ARNT2: variants seen among roughly 807,000 people sequenced by gnomAD.
ARNT2 encodes ARNT protein 2.
A neutral mutation model predicts 91.7 loss-of-function variants in ARNT2; 36 were observed. The ratio of observed to expected loss-of-function variants is 0.39; its 90% confidence interval spans 0.30 to 0.52. The LOEUF is 0.52. ARNT2 is among the 20% of genes least tolerant of loss of function. The pLI, the probability that ARNT2 is intolerant of heterozygous loss-of-function variation, is 0.72. For missense variants in ARNT2, 775 were observed against 939.3 expected, an observed-to-expected ratio of 0.83 and a Z score of 2.29; for synonymous variants, 365 against 347.1, an observed-to-expected ratio of 1.05 and a Z score of -0.57.
intron 15 of ARNT2, among the ~76,000 whole-genome samples, chr15:80,577,414 G>A (rs1438224288): frequency 1.3e-5 from 2 of 152,210 alleles, no homozygotes; most frequent in African/African-American, 4.8e-5. Context: ...CAGGCAGGGT[G>A]TCCAACCTTC....
chr15:80,508,887 A>G (rs1019006420), intron 6 of ARNT2, among the ~76,000 whole-genome samples: 5 of 152,192 alleles, frequency 3.3e-5, no homozygotes, highest in African/African-American at 1.2e-4. Flanking sequence ...GTTGAAGAAG[A>G]GAGAGCTGGG....
intron 1 of ARNT2, among the ~76,000 whole-genome samples, chr15:80,407,428 C>T (rs1325964223): frequency 6.6e-6 from 1 of 152,132 alleles, no homozygotes; most frequent in African/African-American, 2.4e-5. Context: ...TTCAAGGTCC[C>T]CTGTTGGGGT....
rs546017800 is a variant in ARNT2 at position 80,535,132 on chromosome 15, G to C, written c.878-16067G>C. 3.0e-4 allele frequency among the ~76,000 whole-genome samples: 46 copies of C among 152,326 alleles called. No homozygotes were observed. In the South Asian group the frequency reaches 8.9e-3, roughly 30 times the overall value. Reference sequence around the variant, plus strand: ...ATAATGGACTACCGCAGACATCTGGGAGCAAGGATCCAATGAGGTTGGGAA... The same window carrying C: ...ATAATGGACTACCGCAGACATCTGGCAGCAAGGATCCAATGAGGTTGGGAA... On this transcript the variant is annotated intron_variant, in intron 8 of 18. Coordinates refer to ENST00000303329, the MANE Select transcript of ARNT2 (RefSeq NM_014862.4).
At chr15:80,493,351 C>CG (rs1384931154) in intron 5 of ARNT2, among the ~76,000 whole-genome samples, 5 of 23,808 alleles carry the variant, frequency 2.1e-4, no homozygotes, top group African/African-American at 5.2e-4. Flanking sequence ...CAGCAAGTGG[C>CG]GGGGGGTGGG....
intron 1 of ARNT2, among the ~76,000 whole-genome samples, chr15:80,417,289 G>A (rs1264563446): frequency 1.3e-5 from 2 of 152,122 alleles, no homozygotes; most frequent in Admixed American, 1.3e-4. Context: ...GGTTGCTGGT[G>A]CATATCCAGG....
chr15:80,520,400 G>C (rs1897521644), intron 8 of ARNT2, among the ~76,000 whole-genome samples: 6 of 152,144 alleles, frequency 3.9e-5, no homozygotes, highest in Admixed American at 3.3e-4. Context: ...AAATGTGGCA[G>C]AATGTTAACA....
At chr15:80,554,366 G>A (rs1023822635) in intron 10 of ARNT2, among the ~76,000 whole-genome samples, 6 of 152,088 alleles carry the variant, frequency 3.9e-5, no homozygotes, top group Non-Finnish European at 7.3e-5. Context: ...CTGAGATCGC[G>A]CCATTGCACT....
chr15:80,440,478 A>C (rs1032728295), intron 1 of ARNT2, among the ~76,000 whole-genome samples: 6 of 152,098 alleles, frequency 3.9e-5, no homozygotes, highest in African/African-American at 1.4e-4. Context: ...CAGGGTGGAG[A>C]AGGAAGCTGG....
At chr15:80,534,746 A>T (rs1225656696) in intron 8 of ARNT2, among the ~76,000 whole-genome samples, 2 of 152,252 alleles carry the variant, frequency 1.3e-5, no homozygotes, top group Admixed American at 1.3e-4. Context: ...CTTGCAAAAG[A>T]TACTGCAGTG....
intron 1 of ARNT2, among the ~76,000 whole-genome samples, chr15:80,447,370 C>G (rs1896321380): frequency 6.6e-6 from 1 of 152,196 alleles, no homozygotes; most frequent in African/African-American, 2.4e-5. Context: ...TGCACAGCCA[C>G]CCTGGAGGTA....
chr15:80,522,911 C>T (rs1338935353), intron 8 of ARNT2, among the ~76,000 whole-genome samples: 1 of 151,610 alleles, frequency 6.6e-6, no homozygotes, highest in Non-Finnish European at 1.5e-5. Context: ...CAAAGGCCTC[C>T]AGCTGGACTC....
At chr15:80,434,831 G>A (rs1371656208) in intron 1 of ARNT2, among the ~76,000 whole-genome samples, 3 of 152,118 alleles carry the variant, frequency 2.0e-5, no homozygotes, top group African/African-American at 7.2e-5. Context: ...CCAGGAGCTC[G>A]GGTTAAGATA....
Position 80,593,661 on chromosome 15 carries a change from T to G in ARNT2, c.2117T>G (p.Phe706Cys). ...QGTGNYNIEDFADLGMFPPFS... is the reference protein window; with the variant it reads ...QGTGNYNIEDCADLGMFPPFS... ...ACTGGCAACTATAACATCGAAGACTTTGCCGACCTGGGCATGTTTCCACCG... is the reference window on the plus strand; with the variant it reads ...ACTGGCAACTATAACATCGAAGACTGTGCCGACCTGGGCATGTTTCCACCG... The change falls in exon 19 of 19, where the codon TTT (phenylalanine) becomes TGT (cysteine). Residue 706 changes from phenylalanine (F) to cysteine (C), a missense_variant. By Grantham distance (205) the Phe-to-Cys change is radical (BLOSUM62 -2). Around this residue, in one of 5 missense-constraint regions of ARNT2, gnomAD observed 325 missense variants for 359.9 expected, o/e 0.90. Coordinates refer to ENST00000303329, the MANE Select transcript of ARNT2 (RefSeq NM_014862.4). 1 of 1,607,498 alleles carries G rather than the reference T, an allele frequency of 6.2e-7. No homozygotes were observed. Among genetic ancestry groups the G allele is most frequent in the Non-Finnish European group, 8.5e-7 (1 of 1,176,300 alleles).
At position 80,514,380 on chromosome 15, in the gene ARNT2, A is replaced by G. The variant is rs769512504; in HGVS notation, c.852A>G (p.Gly284=). The G allele has an allele frequency of 1.2e-6, 2 of 1,614,220 alleles. No homozygotes were observed. The highest frequency in any genetic ancestry group is 2.2e-5 in the South Asian group (2 of 91,086). ...AATATGCTGTGGTCCACTGTACAGG[A>G]TACATCAAGGCCTGGCCACCAGCAG... ...EAQYAVVHCT[G]YIKAWPPAGM... is the part of the protein sequence containing the mutation. The change falls in exon 8 of 19, where the codon GGA becomes GGG. Residue 284 remains glycine (G), a synonymous_variant. Coordinates refer to ENST00000303329, the MANE Select transcript of ARNT2 (RefSeq NM_014862.4).
intron 5 of ARNT2, among the ~76,000 whole-genome samples, chr15:80,478,694 T>C (rs1896842983): frequency 6.6e-6 from 1 of 152,180 alleles, no homozygotes; most frequent in Admixed American, 6.5e-5. Flanking sequence ...CAAGCTCTTA[T>C]TGATTCCGTG....
intron 14 of ARNT2, among the ~76,000 whole-genome samples, chr15:80,575,751 G>A (rs1185285143): frequency 6.6e-6 from 1 of 152,166 alleles, no homozygotes; most frequent in Non-Finnish European, 1.5e-5. Flanking sequence ...AAACCCTAGT[G>A]GAACGTCAAG....
At chr15:80,418,246 C>T (rs975444111) in intron 1 of ARNT2, among the ~76,000 whole-genome samples, 3 of 152,178 alleles carry the variant, frequency 2.0e-5, no homozygotes, top group Admixed American at 1.3e-4. Flanking sequence ...TGGGTGTGTG[C>T]AGGATCATAA....
rs571189820 is a variant in ARNT2, at chr15:80,590,245, C to T, written c.1919-1323C>T. ...GCTTCTCTTGCCACCCAGAGCTTGA[C>T]AGAGAGCCCATTATCTCCAAAATGG... is the stretch of plus-strand genomic sequence containing the variant. On this transcript the variant is annotated intron_variant, in intron 17 of 18. Coordinates refer to ENST00000303329, the MANE Select transcript of ARNT2 (RefSeq NM_014862.4). 5.3e-5 allele frequency among the ~76,000 whole-genome samples: 8 copies of T among 152,246 alleles called. No individual in the cohort carries two copies. In the East Asian group the frequency reaches 1.5e-3, roughly 29 times the overall value.
At chr15:80,433,447 G>A (rs550745468) in intron 1 of ARNT2, among the ~76,000 whole-genome samples, 14 of 151,474 alleles carry the variant, frequency 9.2e-5, no homozygotes, top group Admixed American at 5.3e-4. Flanking sequence ...CACCACGCCC[G>A]GCTAATTTTT....
Sources: allele counts gnomAD v4.1 joint callset (sites outside exome capture counted in the v4.1 genomes callset), GRCh38; gene constraint gnomAD v4.1.1; regional missense constraint gnomAD v4.1.1; transcripts MANE v1.5; gene names NCBI Gene and HGNC (gene_info 2026-07-23, HGNC 2026-07-21).